Variants in RSF1 observed in about 807,000 individuals in gnomAD.
RSF1 encodes HBV pX-associated protein 8.
Under a neutral mutation model 145.2 loss-of-function variants are expected in RSF1, and 13 were observed. The observed-to-expected ratio is 0.09, with a 90% CI of 0.06 to 0.14. The LOEUF (loss-of-function observed/expected upper bound fraction) is 0.14, where lower values mean the gene tolerates loss of function less well. RSF1 is among the 10% of genes least tolerant of loss of function. The pLI is 1.00. For synonymous variants in RSF1, 577 were observed against 592.6 expected (o/e 0.97, Z 0.38); for missense variants, 1,517 against 1,718.2 (o/e 0.88, Z 2.07).
At chr11:77,838,567 T>C in the RSF1 span, among the ~76,000 whole-genome samples, 44 of 152,104 alleles carry the variant, frequency 2.9e-4, no homozygotes, top group African/African-American at 1.0e-3. Flanking sequence ...TCAATATTTA[T>C]AGTCATCTGC....
At chr11:77,734,863 T>C in intron 4 of RSF1, 1 of 1,586,534 alleles carries the variant, frequency 6.3e-7, no homozygotes, top group South Asian at 1.1e-5. Context: ...GTGAAGAAAG[T>C]ATTTGGCAAA....
chr11:77,744,998 G>C (rs183544199), intron 3 of RSF1, among the ~76,000 whole-genome samples: 1 of 152,224 alleles, frequency 6.6e-6, no homozygotes, highest in East Asian at 1.9e-4. Context: ...AGTCTGTTCA[G>C]ATTTTCTATT....
chr11:77,672,664 T>A (rs1002565601), intron 14 of RSF1, among the ~76,000 whole-genome samples: 12 of 151,992 alleles, frequency 7.9e-5, no homozygotes, highest in Admixed American at 5.2e-4. Flanking sequence ...TCCTCAAGAT[T>A]AGAAAATGTT....
rs1267535750 is a variant in RSF1, at chr11:77,661,354, C to T, written c.*5563G>A. The T allele has an allele frequency of 6.6e-6, 1 of 150,718 alleles. No homozygotes were observed. Among genetic ancestry groups the T allele is most frequent in the Non-Finnish European group, 1.5e-5 (1 of 67,780 alleles). 9.3% of individuals were successfully genotyped at this position (150,718 alleles called of 1,614,324 possible). On this transcript the variant is annotated 3_prime_UTR_variant, in exon 16 of 16. Coordinates refer to ENST00000308488, the MANE Select transcript of RSF1 (RefSeq NM_016578.4). ...AGTTAGGCATCACAAAAATCATGTG[C>T]TGTAAGAATATGCTGTTAACAGCCA...
chr11:77,789,639 C>T (rs1440673286), intron 1 of RSF1, among the ~76,000 whole-genome samples: 1 of 152,214 alleles, frequency 6.6e-6, no homozygotes, highest in Admixed American at 6.5e-5. Flanking sequence ...CAGCTCCACC[C>T]TCCACAGTGG....
chr11:77,806,974 T>C (rs1948683869), intron 1 of RSF1, among the ~76,000 whole-genome samples: 1 of 152,250 alleles, frequency 6.6e-6, no homozygotes, highest in Admixed American at 6.5e-5. Flanking sequence ...AATACTAGGC[T>C]AGAAATAGAG....
At position 77,666,980 on chromosome 11, in the gene RSF1, C is replaced by T. The variant is rs1384907944; in HGVS notation, c.4263G>A (p.Glu1421=). Reference sequence around the variant, plus strand: ...CAGTCACTCTCAAAAGCTCATCTTCCTCCTCTTCTGGTGCTCCTGCCTCCT... The same window carrying T: ...CAGTCACTCTCAAAAGCTCATCTTCTTCCTCTTCTGGTGCTCCTGCCTCCT... ...GGQEAGAPEE[E]EDELLRVTDL... is the part of the protein sequence containing the mutation. Residue 1421 remains glutamate (E), a synonymous_variant, in exon 16 of 16, where the codon GAG becomes GAA. Coordinates refer to ENST00000308488, the MANE Select transcript of RSF1 (RefSeq NM_016578.4). 2.5e-6 allele frequency: 4 copies of T among 1,608,948 alleles called. No individual in the cohort carries two copies. The Middle Eastern group carries it at 5.0e-4, about 200-fold the overall frequency.
At chr11:77,695,977 T>C (rs1295089746) in intron 7 of RSF1, among the ~76,000 whole-genome samples, 5 of 152,242 alleles carry the variant, frequency 3.3e-5, no homozygotes, top group Admixed American at 6.5e-5. Context: ...AATCCTAACC[T>C]GTACCATGGG....
At chr11:77,684,624 AATC>A (rs1367874262) in intron 10 of RSF1, among the ~76,000 whole-genome samples, 1 of 152,212 alleles carries the variant, frequency 6.6e-6, no homozygotes, top group African/African-American at 2.4e-5. Flanking sequence ...ATAAAATTTC[AATC>A]ATGAGGGATT....
chr11:77,849,504 G>A, the RSF1 span, among the ~76,000 whole-genome samples: 2 of 152,274 alleles, frequency 1.3e-5, no homozygotes, highest in East Asian at 1.9e-4. Flanking sequence ...GATTATTGGC[G>A]TGAGCCACTG....
Position 77,740,773 on chromosome 11 carries a change from T to C in RSF1, c.536A>G (p.Glu179Gly). The change falls in exon 4 of 16, where the codon GAA becomes GGA. Residue 179 changes from glutamate to glycine, a missense_variant. By Grantham distance (98) the Glu-to-Gly change is moderately conservative (BLOSUM62 -2). Transcript: ENST00000308488. ...QDHNVRMYIEEQDDQDGSSWK... is the reference protein window; with the variant it reads ...QDHNVRMYIEGQDDQDGSSWK... ...TGAAGAGCCATCTTGATCATCTTGT[T>C]CTTCTATGTACATTCTGACATTGTG... is the stretch of plus-strand genomic sequence containing the variant. 1.2e-6 allele frequency: 2 copies of C among 1,614,164 alleles called. No individual in the cohort carries two copies. The highest frequency in any genetic ancestry group is 1.7e-6 in the Non-Finnish European group (2 of 1,180,010).
chr11:77,696,775 T>C (rs921758776), intron 7 of RSF1, among the ~76,000 whole-genome samples: 3 of 152,222 alleles, frequency 2.0e-5, no homozygotes, highest in African/African-American at 7.2e-5. Context: ...TTAACTTGCA[T>C]AGCCTTGATG....
In RSF1 at chr11:77,700,746, T is replaced by C. The variant is rs775360832; in HGVS notation, c.2483A>G (p.Lys828Arg). The change falls in exon 6 of 16, where the codon AAA (lysine) becomes AGA (arginine). Residue 828 changes from lysine to arginine, a missense_variant. By Grantham distance (26) the Lys-to-Arg change is conservative. Coordinates refer to ENST00000308488, the MANE Select transcript of RSF1 (RefSeq NM_016578.4). ...DKKEILKKSEKDTNSKVSKVK... is the reference protein window; with the variant it reads ...DKKEILKKSERDTNSKVSKVK... The stretch of plus-strand genomic sequence containing the variant: ...CTTGCTTACTTTAGAATTTGTATCT[T>C]TCTCTGATTTTTTCAAAATTTCCTT... 6 of 1,586,402 alleles carry C rather than the reference T, an allele frequency of 3.8e-6. No individual in the cohort carries two copies. Among genetic ancestry groups the C allele is most frequent in the Non-Finnish European group, 5.1e-6 (6 of 1,173,988 alleles).
At chr11:77,850,968 T>C in the RSF1 span, 1 of 149,682 alleles carries the variant, frequency 6.7e-6, no homozygotes, top group Admixed American at 6.7e-5. Flanking sequence ...TTTTTTTTTT[T>C]TTTTTGAGAT....
intron 4 of RSF1, among the ~76,000 whole-genome samples, chr11:77,729,252 T>A (rs1012265348): frequency 6.6e-6 from 1 of 152,198 alleles, no homozygotes; most frequent in African/African-American, 2.4e-5. Context: ...TATTGACACA[T>A]TCCATAGGGT....
chr11:77,832,979 G>A, the RSF1 span, among the ~76,000 whole-genome samples: 3 of 56,358 alleles, frequency 5.3e-5, no homozygotes, highest in Non-Finnish European at 1.0e-4. Flanking sequence ...GTGTGTGTGT[G>A]TGTGTGTGTG....
chr11:77,852,940 T>A, the RSF1 span, among the ~76,000 whole-genome samples: 1 of 152,168 alleles, frequency 6.6e-6, no homozygotes, highest in Non-Finnish European at 1.5e-5. Context: ...ACTTTAGTCC[T>A]AAGGGATGGG....
In RSF1 at chr11:77,702,274, C is replaced by T. The variant is rs1371888190; in HGVS notation, c.955G>A (p.Val319Ile). Residue 319 changes from valine to isoleucine, a missense_variant, in exon 6 of 16, where the codon GTC (valine) becomes ATC (isoleucine). Physicochemically the swap from Val to Ile is conservative, Grantham distance 29 (BLOSUM62 3). Around this residue, in one of 12 missense-constraint regions of RSF1, gnomAD observed 207 missense variants for 191.4 expected, o/e 1.08. Transcript: ENST00000308488. ...KEESDSFKEN[V>I]KPIKVEVKEC... ...TTCACCTCAACTTTAATGGGTTTGA[C>T]ATTTTCCTTGAAGGAATCACTTTCT... 1 of 1,609,362 alleles carries T rather than the reference C, an allele frequency of 6.2e-7. No individual in the cohort carries two copies. The highest frequency in any genetic ancestry group is 1.1e-5 in the South Asian group (1 of 89,472).
At position 77,702,131 on chromosome 11, in the gene RSF1, T is replaced by C; in HGVS notation, c.1098A>G (p.Lys366=). ...NIKSSHEITE[K]STEETEKLKN... is the part of the protein sequence containing the mutation. Reference sequence around the variant, plus strand: ...TAAGTTTCTCAGTTTCTTCAGTAGATTTCTCAGTAATTTCGTGAGAAGATT... The same window carrying C: ...TAAGTTTCTCAGTTTCTTCAGTAGACTTCTCAGTAATTTCGTGAGAAGATT... The change falls in exon 6 of 16, where the codon AAA becomes AAG. Residue 366 remains lysine, a synonymous_variant. Transcript: ENST00000308488. 1 of 1,613,766 alleles carries C rather than the reference T, an allele frequency of 6.2e-7. No individual in the cohort carries two copies.
Sources: gnomAD v4.1 joint callset for allele counts (sites outside exome capture counted in the v4.1 genomes callset) on GRCh38, gnomAD v4.1.1 for gene constraint, gnomAD v4.1.1 regional missense constraint, MANE v1.5 for transcripts, NCBI Gene and HGNC (gene_info 2026-07-23, HGNC 2026-07-21) for gene names.